EPG5: variants seen among roughly 807,000 people sequenced by gnomAD.
EPG5 encodes ectopic P granules protein 5 homolog.
Under a neutral mutation model 302.7 loss-of-function variants are expected in EPG5, and 159 were observed. That is an observed-to-expected ratio of 0.53 (90% CI 0.46 to 0.60). The LOEUF (loss-of-function observed/expected upper bound fraction) is 0.60. Ranked by LOEUF, EPG5 falls within the 20% of genes least tolerant of loss-of-function variation. EPG5 has a pLI of 0.00. For synonymous variants in EPG5, 1,158 were observed against 1,136.8 expected, an observed-to-expected ratio of 1.02 and a Z score of -0.37; for missense variants, 2,896 against 3,092.4, an observed-to-expected ratio of 0.94 and a Z score of 1.51.
At chr18:45,907,762 G>A (rs759834464) in intron 24 of EPG5, 196 bp downstream of exon 24, 6 of 466,046 alleles carry the variant, frequency 1.3e-5, no homozygotes, top group Middle Eastern at 5.6e-4. Flanking sequence ...TAGAAGGCAC[G>A]GTGGGGCTGG....
At chr18:45,867,948 T>C (rs2048782508) in intron 36 of EPG5, 200 bp from the exon 37 acceptor site, 1 of 672,214 alleles carries the variant, frequency 1.5e-6, no homozygotes, top group African/African-American at 1.8e-5. Flanking sequence ...TATATTTTAG[T>C]TTGTCTGTTC....
chr18:45,939,542 T>A, intron 10 of EPG5, 58 bp downstream of exon 10: 1 of 1,516,812 alleles, frequency 6.6e-7, no homozygotes, highest in Non-Finnish European at 9.1e-7. Context: ...TTTCACCGAA[T>A]GGTTCTTACT....
At chr18:45,922,269 G>C in intron 16 of EPG5, 72 bp downstream of exon 16, 1 of 1,553,492 alleles carries the variant, frequency 6.4e-7, no homozygotes, top group African/African-American at 1.4e-5. Flanking sequence ...TCAGAACTTG[G>C]GATATGAAAC....
In EPG5 at chr18:45,911,078, T is replaced by TAC. The variant is rs34212851; in HGVS notation, c.3984-338_3984-337dup. Among the ~76,000 whole-genome samples, 701 of 135,342 alleles carry TAC rather than the reference T, an allele frequency of 5.2e-3. 3 individuals are homozygous for TAC. Among genetic ancestry groups the TAC allele is most frequent in the Middle Eastern group, 0.036 (10 of 278 alleles). 88.8% of individuals were successfully genotyped at this position (135,342 alleles called of 152,430 possible). A position where few individuals can be genotyped will look rare whatever the true frequency, so the allele number is the denominator to read the frequency against. On this transcript the variant is annotated intron_variant, in intron 22 of 43. Coordinates refer to ENST00000282041, the MANE Select transcript of EPG5 (RefSeq NM_020964.3). ...ATCTATCTATCTATCTATCTATCTA[T>TAC]ACACACACACACACACACACACACA... is the stretch of plus-strand genomic sequence containing the variant.
chr18:45,957,144 C>T (rs73953922), intron 1 of EPG5, among the ~76,000 whole-genome samples: 2,510 of 151,852 alleles, frequency 0.017, 78 homozygotes, highest in African/African-American at 0.057. Flanking sequence ...CTCTGAATGT[C>T]CAGCAGACTA....
chr18:45,926,596 G>C (rs1194467453), intron 13 of EPG5, among the ~76,000 whole-genome samples: 1 of 152,114 alleles, frequency 6.6e-6, no homozygotes, highest in African/African-American at 2.4e-5. Flanking sequence ...GGGGGCCCAG[G>C]TGGACAGATC....
rs2048411358 is a variant in EPG5, at chr18:45,850,598, C to T, written c.*1869G>A. Reference sequence around the variant, plus strand: ...CCTACAGCAACTTTAACAGCTGAAACACTTTACAAGATAGTGTGATATCCC... The same window carrying T: ...CCTACAGCAACTTTAACAGCTGAAATACTTTACAAGATAGTGTGATATCCC... On this transcript the variant is annotated 3_prime_UTR_variant, in exon 44 of 44. Transcript: ENST00000282041. The T allele has an allele frequency of 6.6e-6, 1 of 152,382 alleles. No homozygotes were observed. Among genetic ancestry groups the T allele is most frequent in the Non-Finnish European group, 1.5e-5 (1 of 68,032 alleles). The allele number at this position is 152,382 out of a possible 1,614,324, so 9.4% of individuals were successfully genotyped here.
At chr18:45,944,525 C>A (rs941070555) in intron 7 of EPG5, among the ~76,000 whole-genome samples, 3 of 152,108 alleles carry the variant, frequency 2.0e-5, no homozygotes, top group African/African-American at 7.2e-5. Flanking sequence ...AAGGCCGAGG[C>A]GGGCAGATCA....
At chr18:45,902,692 G>C (rs1170788619) in intron 25 of EPG5, among the ~76,000 whole-genome samples, 1 of 152,150 alleles carries the variant, frequency 6.6e-6, no homozygotes, top group East Asian at 1.9e-4. Context: ...TCTTATATCT[G>C]AGAAAAACCT....
At chr18:45,958,624 T>C (rs1568191275) in intron 1 of EPG5, among the ~76,000 whole-genome samples, 1 of 152,196 alleles carries the variant, frequency 6.6e-6, no homozygotes, top group Non-Finnish European at 1.5e-5. Context: ...AAGAATAAAT[T>C]GGACCCTTAC....
At chr18:45,940,379 G>A (rs2050636616) in intron 9 of EPG5, among the ~76,000 whole-genome samples, 1 of 152,152 alleles carries the variant, frequency 6.6e-6, no homozygotes, top group African/African-American at 2.4e-5. Context: ...GTAGGGTCCT[G>A]GGCAGACAGT....
the EPG5 span, among the ~76,000 whole-genome samples, chr18:45,831,694 C>T: frequency 1.3e-5 from 2 of 151,420 alleles, no homozygotes; most frequent in Non-Finnish European, 2.9e-5. Flanking sequence ...TCAGCTGGTC[C>T]AACATGCTAA....
chr18:45,915,609 A>G lies in EPG5; in HGVS notation c.3595T>C (p.Tyr1199His). Residue 1199 changes from tyrosine (Y) to histidine (H), a missense_variant, in exon 20 of 44, where the codon TAC becomes CAC. Transcript: ENST00000282041. ...LYQQHKNALG[Y>H]HCDRSLLSSL... ...GAGAGCAGACTCCGGTCACAGTGGT[A>G]ACCCAAGGCATTCTACACCGGGAGA... 1 of 1,613,992 alleles carries G rather than the reference A, an allele frequency of 6.2e-7. No homozygotes were observed.
At position 45,919,584 on chromosome 18, in the gene EPG5, C is replaced by T. The variant is rs371809419; in HGVS notation, c.3099-1765G>A. Among the ~76,000 whole-genome samples, 215 of 150,992 alleles carry T rather than the reference C, an allele frequency of 1.4e-3. 3 individuals are homozygous for T. In the East Asian group the frequency reaches 0.036, roughly 26 times the overall value. On this transcript the variant is annotated intron_variant, in intron 16 of 43. Transcript: ENST00000282041. ...CTGGAGTGCAGTGGCGCAATCTCGG[C>T]TCACTGCAAGCTCCGCCTCCCAGGT...
At chr18:45,959,194 A>AAAG (rs2051094007) in intron 1 of EPG5, among the ~76,000 whole-genome samples, 1 of 152,214 alleles carries the variant, frequency 6.6e-6, no homozygotes, top group Non-Finnish European at 1.5e-5. Flanking sequence ...TTACAAAATT[A>AAAG]GCCAGGCATG....
In EPG5 at chr18:45,929,020, G is replaced by A; in HGVS notation, c.2413-11C>T. On this transcript the variant is annotated splice_polypyrimidine_tract_variant and intron_variant, in intron 12 of 43. Coordinates refer to ENST00000282041, the MANE Select transcript of EPG5 (RefSeq NM_020964.3). ...GGTGACATAAGATACCTAAATGGGG[G>A]GAAGGGGGAAGAAGATGGCACTTTT... 5 of 1,610,628 alleles carry A rather than the reference G, an allele frequency of 3.1e-6. No individual in the cohort carries two copies. The highest frequency in any genetic ancestry group is 4.2e-6 in the Non-Finnish European group (5 of 1,178,242).
rs10607646 is a variant in EPG5 at position 45,849,081 on chromosome 18, CAAAAAAAAAA to C, written c.*3376_*3385del. On this transcript the variant is annotated 3_prime_UTR_variant, in exon 44 of 44. Transcript: ENST00000282041. ...CCTGGGTGACAGATGAGACTCGTCT[CAAAAAAAAAA>C]AAAAAAAAAAGACATTGGGGGATTT... The C allele has an allele frequency of 2.7e-5, 2 of 74,616 alleles. No individual in the cohort carries two copies. Among genetic ancestry groups the C allele is most frequent in the Non-Finnish European group, 5.8e-5 (2 of 34,386 alleles). The allele number at this position is 74,616 out of a possible 1,614,324, so 4.6% of individuals were successfully genotyped here.
chr18:45,911,173 G>A (rs1052724140), intron 22 of EPG5, among the ~76,000 whole-genome samples: 4 of 151,450 alleles, frequency 2.6e-5, no homozygotes, highest in African/African-American at 9.7e-5. Flanking sequence ...CCAGGCTGGA[G>A]TGCAGTGGCA....
chr18:45,905,287 A>AT (rs899656376), intron 24 of EPG5, among the ~76,000 whole-genome samples: 6 of 152,008 alleles, frequency 3.9e-5, no homozygotes, highest in South Asian at 2.1e-4. Context: ...GTGGACCGTG[A>AT]TTTTTTTTGG....
Sources: gnomAD v4.1 joint callset for allele counts (sites outside exome capture counted in the v4.1 genomes callset) on GRCh38, gnomAD v4.1.1 for gene constraint, MANE v1.5 for transcripts, NCBI Gene and HGNC (gene_info 2026-07-23, HGNC 2026-07-21) for gene names.